Variants in WWC2 observed in about 807,000 individuals in gnomAD.
The protein encoded by WWC2 is WW and C2 domain containing 2.
A neutral mutation model predicts 138.5 loss-of-function variants in WWC2; 101 were observed. The ratio of observed to expected loss-of-function variants is 0.73; its 90% CI spans 0.62 to 0.86. WWC2 has a LOEUF of 0.86. WWC2 is among the 40% of genes least tolerant of loss of function. WWC2 has a pLI of 0.00. For synonymous variants in WWC2, 558 were observed against 538.4 expected (o/e 1.04, Z -0.50); for missense variants, 1,420 against 1,419.4 (o/e 1.00, Z -0.01).
chr4:183,219,135 G>A (rs1234878614), intron 4 of WWC2, among the ~76,000 whole-genome samples: 1 of 152,070 alleles, frequency 6.6e-6, no homozygotes, highest in Non-Finnish European at 1.5e-5. Context: ...CCTAGAATAA[G>A]CAATTTCATA....
intron 2 of WWC2, among the ~76,000 whole-genome samples, chr4:183,195,689 C>T (rs1560837367): frequency 1.3e-5 from 2 of 152,146 alleles, no homozygotes; most frequent in Non-Finnish European, 2.9e-5. Context: ...AACTCCCTTT[C>T]GTCACCCTCT....
chr4:183,138,637 C>G (rs1183525636), intron 1 of WWC2, among the ~76,000 whole-genome samples: 2 of 152,126 alleles, frequency 1.3e-5, no homozygotes, highest in Non-Finnish European at 2.9e-5. Flanking sequence ...GACTCCTGCG[C>G]AAAGTCATTA....
chr4:183,156,556 T>A (rs544264977), intron 1 of WWC2, among the ~76,000 whole-genome samples: 2 of 152,242 alleles, frequency 1.3e-5, no homozygotes, highest in South Asian at 2.1e-4. Flanking sequence ...GTTTTCGAAC[T>A]CCTGACCTTG....
rs368734756 is a variant in WWC2 at position 183,192,093 on chromosome 4, C to G, written c.132-1506C>G. ...TTTCTGGGAACTATATTCTAAGAACCACAGTTCTATGCTGTGCTGCCTGAC... is the reference window on the plus strand; with the variant it reads ...TTTCTGGGAACTATATTCTAAGAACGACAGTTCTATGCTGTGCTGCCTGAC... On this transcript the variant is annotated intron_variant, in intron 1 of 22. Transcript: ENST00000403733. Among the ~76,000 whole-genome samples the G allele has an allele frequency of 2.0e-4, 31 of 152,310 alleles. No homozygotes were observed. The East Asian group carries it at 4.1e-3, about 20-fold the overall frequency.
chr4:183,118,318 T>C (rs1382940869), intron 1 of WWC2, among the ~76,000 whole-genome samples: 1 of 152,224 alleles, frequency 6.6e-6, no homozygotes, highest in Non-Finnish European at 1.5e-5. Context: ...CCTAGAAGTG[T>C]ACAGGCAGTC....
At chr4:183,187,358 C>T (rs987853955) in intron 1 of WWC2, among the ~76,000 whole-genome samples, 7 of 143,760 alleles carry the variant, frequency 4.9e-5, no homozygotes, top group Non-Finnish European at 7.7e-5. Flanking sequence ...GTTTGAGACC[C>T]GCCTGGCCAA....
At chr4:183,231,797 A>G (rs1337796079) in intron 4 of WWC2, among the ~76,000 whole-genome samples, 1 of 152,146 alleles carries the variant, frequency 6.6e-6, no homozygotes, top group Admixed American at 6.5e-5. Context: ...AGCTGGGACT[A>G]CAGGTACACA....
intron 21 of WWC2, 73 bp from the exon 22 acceptor site, chr4:183,312,268 G>A: frequency 6.3e-7 from 1 of 1,575,494 alleles, no homozygotes; most frequent in Admixed American, 1.7e-5. Flanking sequence ...AATCTTTGAA[G>A]CTTCATAGGA....
chr4:183,151,543 G>T (rs905194163), intron 1 of WWC2, among the ~76,000 whole-genome samples: 5 of 152,040 alleles, frequency 3.3e-5, no homozygotes, highest in Admixed American at 3.3e-4. Context: ...CTTTAGTTTA[G>T]TTAGATCCCG....
intron 21 of WWC2, among the ~76,000 whole-genome samples, chr4:183,309,243 A>G (rs891665610): frequency 6.6e-6 from 1 of 152,224 alleles, no homozygotes; most frequent in Non-Finnish European, 1.5e-5. Flanking sequence ...GATAAGCTGG[A>G]CTTCGTTATA....
chr4:183,215,444 G>C (rs776302876), intron 4 of WWC2, among the ~76,000 whole-genome samples: 1 of 149,740 alleles, frequency 6.7e-6, no homozygotes, highest in Non-Finnish European at 1.5e-5. Flanking sequence ...ACTTACATTC[G>C]CAAGAAAAAA....
At position 183,264,771 on chromosome 4, in the gene WWC2, G is replaced by A. The variant is rs190634883; in HGVS notation, c.1910-207G>A. The stretch of plus-strand genomic sequence containing the variant: ...AAAGAAAAACCATATTCTCTTCCAA[G>A]TAATGACTGAAAAAACTGGCGTCCC... On this transcript the variant is annotated intron_variant, in intron 11 of 22. Transcript: ENST00000403733. 6.3e-3 allele frequency among the ~76,000 whole-genome samples: 959 copies of A among 152,268 alleles called. 14 individuals are homozygous for A. The highest frequency in any genetic ancestry group is 0.011 in the Non-Finnish European group (773 of 68,018).
intron 1 of WWC2, among the ~76,000 whole-genome samples, chr4:183,186,394 G>A (rs996266783): frequency 6.6e-6 from 1 of 152,194 alleles, no homozygotes; most frequent in African/African-American, 2.4e-5. Context: ...GTAGGATTAA[G>A]TGTTAGATGG....
chr4:183,299,374 G>T (rs948738964), intron 21 of WWC2, among the ~76,000 whole-genome samples: 2 of 152,030 alleles, frequency 1.3e-5, no homozygotes, highest in African/African-American at 4.8e-5. Context: ...GCTTCCTTCT[G>T]CTACTGGCAG....
At chr4:183,214,479 A>G (rs1025706975) in intron 4 of WWC2, among the ~76,000 whole-genome samples, 2 of 152,194 alleles carry the variant, frequency 1.3e-5, no homozygotes, top group African/African-American at 2.4e-5. Context: ...CAAAAATCAT[A>G]TCAGTATTCT....
At chr4:183,174,141 G>A (rs4485839) in intron 1 of WWC2, among the ~76,000 whole-genome samples, 149,698 of 152,308 alleles carry the variant, frequency 0.98, 73,614 homozygotes, top group Middle Eastern at 1. Flanking sequence ...TGCACACTCT[G>A]TAATGTTCCC....
intron 4 of WWC2, among the ~76,000 whole-genome samples, chr4:183,218,769 G>C (rs1041998833): frequency 1.3e-5 from 2 of 151,932 alleles, no homozygotes; most frequent in Non-Finnish European, 2.9e-5. Context: ...ATTCCTACTA[G>C]GTTAGAGAGG....
intron 1 of WWC2, among the ~76,000 whole-genome samples, chr4:183,137,728 G>A (rs1389765452): frequency 6.6e-6 from 1 of 152,104 alleles, no homozygotes; most frequent in Non-Finnish European, 1.5e-5. Flanking sequence ...CGAACTCCTG[G>A]ACTCAAGCAG....
rs921415988 is a variant in WWC2 at position 183,282,899 on chromosome 4, C to T, written c.2876C>T (p.Pro959Leu). 3 of 1,578,440 alleles carry T rather than the reference C, an allele frequency of 1.9e-6. No homozygotes were observed. In the African/African-American group the frequency reaches 4.0e-5, roughly 21 times the overall value. The change falls in exon 18 of 23, where the codon CCA becomes CTA. Residue 959 changes from proline to leucine, a missense_variant. By Grantham distance (98) the Pro-to-Leu change is moderately conservative. Coordinates refer to ENST00000403733, the MANE Select transcript of WWC2 (RefSeq NM_024949.6). ...DLRSQPPTRI[P>L]TLVDKETNTD... Reference sequence around the variant, plus strand: ...AGAAGTCAGCCACCTACTAGAATACCAACACTGGTGACTATTCCGCTGTGC... The same window carrying T: ...AGAAGTCAGCCACCTACTAGAATACTAACACTGGTGACTATTCCGCTGTGC...
Sources: gnomAD v4.1 joint callset for allele counts (sites outside exome capture counted in the v4.1 genomes callset) on GRCh38, gnomAD v4.1.1 for gene constraint, MANE v1.5 for transcripts, NCBI Gene and HGNC (gene_info 2026-07-23, HGNC 2026-07-21) for gene names.